The following OSBPL7 variants were observed in gnomAD, a reference collection of about 807,000 sequenced individuals.
OSBPL7 encodes oxysterol-binding protein-related protein 7.
In OSBPL7, 66 loss-of-function variants were observed where a neutral mutation model predicts 115.8. The ratio of observed to expected loss-of-function variants is 0.57; its 90% confidence interval spans 0.47 to 0.70. The LOEUF (loss-of-function observed/expected upper bound fraction) is 0.70, where lower values mean the gene tolerates loss of function less well. OSBPL7 is among the 30% of genes least tolerant of loss of function. The probability of loss-of-function intolerance (pLI) is 0.00; values close to 1 mark genes in which losing one functional copy is unlikely to be tolerated. For missense variants in OSBPL7, 902 were observed against 1,125.5 expected, an observed-to-expected ratio of 0.80 and a Z score of 2.84; for synonymous variants, 441 against 439.2, an observed-to-expected ratio of 1.00 and a Z score of -0.05.
rs1279433164 is a variant in OSBPL7 at position 47,819,760 on chromosome 17, C to T, written c.224G>A (p.Gly75Glu). 1 of 1,614,150 alleles carries T rather than the reference C, an allele frequency of 6.2e-7. No homozygotes were observed. Among genetic ancestry groups the T allele is most frequent in the South Asian group, 1.1e-5 (1 of 91,088 alleles). ...WHKRYFVLED[G>E]ILHYATTRQD... ...CCGGGTTGTTGCATAATGAAGGATC[C>T]CGTCCTCGAGCACAAAGTATCTCTG... is the stretch of plus-strand genomic sequence containing the variant. Residue 75 changes from glycine to glutamate, a missense_variant, in exon 4 of 23, where the codon GGG becomes GAG. Around this residue, in one of 3 missense-constraint regions of OSBPL7, gnomAD observed 667 missense variants for 788.7 expected, o/e 0.85. Coordinates refer to ENST00000007414, the MANE Select transcript of OSBPL7 (RefSeq NM_145798.3).
rs538312823 is a variant in OSBPL7 at position 47,816,954 on chromosome 17, G to A, written c.703-82C>T. 73 of 1,352,252 alleles carry A rather than the reference G, an allele frequency of 5.4e-5. No homozygotes were observed. The Middle Eastern group carries it at 2.0e-3, about 36-fold the overall frequency. The allele number at this position is 1,352,252 out of a possible 1,614,324, so 83.8% of individuals were successfully genotyped here. ...CCATCACAGCCTGGGAGAGGTAGAC[G>A]GCCTCCTGCGCCATGGAGGAGGGCG... On this transcript the variant is annotated intron_variant, in intron 8 of 22. Transcript: ENST00000007414. This position sits in a 1 kb window ranked among gnomAD's most constrained non-coding sequence, Gnocchi z 5.8.
intron 4 of OSBPL7, 94 bp from the exon 5 acceptor site, chr17:47,819,193 G>C (rs2033322472): frequency 9.8e-7 from 1 of 1,015,988 alleles, no homozygotes; most frequent in Admixed American, 2.0e-5. Context: ...CTAGGCTCAA[G>C]GGCCAGGTGG....
At chr17:47,817,020 C>T (rs1327463420) in intron 8 of OSBPL7, 148 bp from the exon 9 acceptor site, 23 of 808,492 alleles carry the variant, frequency 2.8e-5, no homozygotes, top group Admixed American at 8.6e-5. Flanking sequence ...TCAGGCAGGG[C>T]GACAGAGACA....
chr17:47,808,416 G>A lies in OSBPL7; in HGVS notation c.2421-17C>T, dbSNP rs372960018. The A allele has an allele frequency of 2.8e-4, 445 of 1,613,904 alleles. No homozygotes were observed. Among genetic ancestry groups the A allele is most frequent in the Non-Finnish European group, 3.6e-4 (423 of 1,179,894 alleles). On this transcript the variant is annotated splice_polypyrimidine_tract_variant and intron_variant, in intron 22 of 22. Coordinates refer to ENST00000007414, the MANE Select transcript of OSBPL7 (RefSeq NM_145798.3). This position sits in a 1 kb window ranked among gnomAD's most constrained non-coding sequence, Gnocchi z 6.1. ...GTCTGCCGCCTGGTGGGAGAAGGCG[G>A]TGGCAGTGAGGGGTGAACATCTAGA... is the stretch of plus-strand genomic sequence containing the variant.
Position 47,819,981 on chromosome 17 carries a change from C to A in OSBPL7, c.191G>T (p.Gly64Val). Residue 64 changes from glycine (G) to valine (V), a missense_variant, in exon 3 of 23, where the codon GGC becomes GTC. Around this residue, in one of 3 missense-constraint regions of OSBPL7, gnomAD observed 667 missense variants for 788.7 expected, o/e 0.85. Transcript: ENST00000007414. ...LLKKRKWPLK[G>V]WHKRYFVLED... ...GCCTGCCCACCCTACCTTGTGCCAG[C>A]CCTTCAGAGGCCACTTCCTCTTCTT... 6.2e-7 allele frequency: 1 copy of A among 1,609,474 alleles called. No homozygotes were observed. Among genetic ancestry groups the A allele is most frequent in the Non-Finnish European group, 8.5e-7 (1 of 1,179,554 alleles).
At chr17:47,819,211 A>C in intron 4 of OSBPL7, 112 bp from the exon 5 acceptor site, 1 of 801,338 alleles carries the variant, frequency 1.2e-6, no homozygotes, top group South Asian at 1.6e-5. Flanking sequence ...TGGCAGGTTC[A>C]CCCTCATGTC....
chr17:47,808,016 G>T lies in OSBPL7; in HGVS notation c.*275C>A. 2.0e-6 allele frequency: 1 copy of T among 491,962 alleles called. No individual in the cohort carries two copies. The highest frequency in any genetic ancestry group is 3.7e-6 in the Non-Finnish European group (1 of 269,784). 30.5% of individuals were successfully genotyped at this position (491,962 alleles called of 1,614,324 possible). A position where few individuals can be genotyped will look rare whatever the true frequency, so the allele number is the denominator to read the frequency against. Reference sequence around the variant, plus strand: ...TCCCCCAAGTACCCCAAAGGGGACAGGAATCGGAATGGTGAAGCGGGAAGG... The same window carrying T: ...TCCCCCAAGTACCCCAAAGGGGACATGAATCGGAATGGTGAAGCGGGAAGG... On this transcript the variant is annotated 3_prime_UTR_variant, in exon 23 of 23. Coordinates refer to ENST00000007414, the MANE Select transcript of OSBPL7 (RefSeq NM_145798.3). This position sits in a 1 kb window ranked among gnomAD's most constrained non-coding sequence, Gnocchi z 6.1.
At chr17:47,814,962 G>A (rs1045569841) in intron 13 of OSBPL7, 8 of 568,500 alleles carry the variant, frequency 1.4e-5, no homozygotes, top group African/African-American at 1.9e-5. Context: ...GAAGATGACC[G>A]GGGTTGCAAC....
In OSBPL7 at chr17:47,809,497, G is replaced by C. The variant is rs199959248; in HGVS notation, c.1881-19C>G. The C allele has an allele frequency of 1.0e-5, 16 of 1,603,846 alleles. No individual in the cohort carries two copies. Among genetic ancestry groups the C allele is most frequent in the Non-Finnish European group, 1.3e-5 (15 of 1,171,664 alleles). On this transcript the variant is annotated intron_variant, in intron 18 of 22. Coordinates refer to ENST00000007414, the MANE Select transcript of OSBPL7 (RefSeq NM_145798.3). ...CCCAAACCTGAGAAAGACAAGGTAT[G>C]GAAGGGCAGCTGGCTGGCCCCAGGG... is the stretch of plus-strand genomic sequence containing the variant.
In OSBPL7 at chr17:47,814,608, C is replaced by T; in HGVS notation, c.1264G>A (p.Glu422Lys). The T allele has an allele frequency of 6.2e-7, 1 of 1,613,968 alleles. No individual in the cohort carries two copies. Among genetic ancestry groups the T allele is most frequent in the Non-Finnish European group, 8.5e-7 (1 of 1,179,930 alleles). ...SASSSENEGS[E>K]EEESCTSEIT... ...TCACTGGTACAGGACTCCTCCTCCT[C>T]TGAGCCCTGGGCCAGGACAGATGAC... Residue 422 changes from glutamate to lysine, a missense_variant, in exon 14 of 23, where the codon GAG becomes AAG. By Grantham distance (56) the Glu-to-Lys change is moderately conservative. This residue lies in a region of OSBPL7 where 667 missense variants were observed against 788.7 expected (regional missense o/e 0.85). Coordinates refer to ENST00000007414, the MANE Select transcript of OSBPL7 (RefSeq NM_145798.3).
At chr17:47,813,471 G>A (rs2033109208) in intron 15 of OSBPL7, 68 bp from the exon 16 acceptor site, 1 of 1,603,642 alleles carries the variant, frequency 6.2e-7, no homozygotes. Flanking sequence ...CAAAGTATGG[G>A]ATCTTGGGGT....
In OSBPL7 at chr17:47,820,001, C is replaced by G; in HGVS notation, c.171G>C (p.Lys57Asn). ...PERQEGHLLK[K>N]RKWPLKGWHK... The stretch of plus-strand genomic sequence containing the variant: ...GCCAGCCCTTCAGAGGCCACTTCCT[C>G]TTCTTGAGCAGGTGACCTTCCTGCC... The change falls in exon 3 of 23, where the codon AAG (lysine) becomes AAC (asparagine). Residue 57 changes from lysine to asparagine, a missense_variant. This residue lies in a region of OSBPL7 where 667 missense variants were observed against 788.7 expected (regional missense o/e 0.85). Coordinates refer to ENST00000007414, the MANE Select transcript of OSBPL7 (RefSeq NM_145798.3). The G allele has an allele frequency of 1.2e-6, 2 of 1,604,898 alleles. No individual in the cohort carries two copies. Among genetic ancestry groups the G allele is most frequent in the Non-Finnish European group, 1.7e-6 (2 of 1,176,032 alleles).
In OSBPL7 at chr17:47,809,202, T is replaced by G; in HGVS notation, c.2044A>C (p.Asn682His). 6.2e-7 allele frequency: 1 copy of G among 1,614,058 alleles called. No individual in the cohort carries two copies. The change falls in exon 20 of 23, where the codon AAT (asparagine) becomes CAT (histidine). Residue 682 changes from asparagine (N) to histidine (H), a missense_variant. Physicochemically the swap from Asn to His is moderately conservative, Grantham distance 68. Transcript: ENST00000007414. ...TFCKAKYWSS[N>H]VHEVQGAVLS... The stretch of plus-strand genomic sequence containing the variant: ...ACAGCGCCCTGCACCTCGTGGACAT[T>G]GGAACTCCAGTACTTGGCCTGGGGT...
At chr17:47,811,321 AGCCT>A (rs1250396360) in intron 16 of OSBPL7, among the ~76,000 whole-genome samples, 2 of 151,804 alleles carry the variant, frequency 1.3e-5, no homozygotes, top group Non-Finnish European at 2.9e-5. Flanking sequence ...AACATCCCAC[AGCCT>A]GCCTGCCTTG....
chr17:47,812,336 C>A (rs1027028077), intron 16 of OSBPL7, among the ~76,000 whole-genome samples: 1 of 152,206 alleles, frequency 6.6e-6, no homozygotes, highest in Non-Finnish European at 1.5e-5. Context: ...TGCGAGCAGT[C>A]CTCCCGAGGG....
In OSBPL7 at chr17:47,820,012, G is replaced by C; in HGVS notation, c.160C>G (p.Leu54Val). The change falls in exon 3 of 23, where the codon CTG becomes GTG. Residue 54 changes from leucine (L) to valine (V), a missense_variant. Physicochemically the swap from Leu to Val is conservative, Grantham distance 32 (BLOSUM62 1). This residue lies in a region of OSBPL7 where 667 missense variants were observed against 788.7 expected (regional missense o/e 0.85). Transcript: ENST00000007414. ...AGAGGCCACTTCCTCTTCTTGAGCAGGTGACCTTCCTGCCTCTCAGGCATG... is the reference window on the plus strand; with the variant it reads ...AGAGGCCACTTCCTCTTCTTGAGCACGTGACCTTCCTGCCTCTCAGGCATG... ...GVMPERQEGH[L>V]LKKRKWPLKG... The C allele has an allele frequency of 6.2e-7, 1 of 1,601,646 alleles. No individual in the cohort carries two copies. The highest frequency in any genetic ancestry group is 8.5e-7 in the Non-Finnish European group (1 of 1,175,634).
Position 47,809,183 on chromosome 17 carries a change from C to G in OSBPL7, c.2063G>C (p.Gly688Ala). The stretch of plus-strand genomic sequence containing the variant: ...ACGGCCACTCCGACTGAGCACAGCG[C>G]CCTGCACCTCGTGGACATTGGAACT... ...YWSSNVHEVQGAVLSRSGRVL... is the reference protein window; with the variant it reads ...YWSSNVHEVQAAVLSRSGRVL... The change falls in exon 20 of 23, where the codon GGC becomes GCC. Residue 688 changes from glycine (G) to alanine (A), a missense_variant. Around this residue, in one of 3 missense-constraint regions of OSBPL7, gnomAD observed 230 missense variants for 312.7 expected, o/e 0.74. Transcript: ENST00000007414. 6.2e-7 allele frequency: 1 copy of G among 1,614,160 alleles called. No homozygotes were observed. Among genetic ancestry groups the G allele is most frequent in the Non-Finnish European group, 8.5e-7 (1 of 1,180,038 alleles).
chr17:47,813,159 C>T lies in OSBPL7; in HGVS notation c.1737+107G>A, dbSNP rs574222715. On this transcript the variant is annotated intron_variant, in intron 16 of 22. Coordinates refer to ENST00000007414, the MANE Select transcript of OSBPL7 (RefSeq NM_145798.3). ...AGCCCGGCACAGAGCCAACTGCCCACGCTCCTCTCCCAGGCCCTGGTCCCT... is the reference window on the plus strand; with the variant it reads ...AGCCCGGCACAGAGCCAACTGCCCATGCTCCTCTCCCAGGCCCTGGTCCCT... 9.2e-5 allele frequency: 134 copies of T among 1,461,904 alleles called. No individual in the cohort carries two copies. The East Asian group carries it at 9.5e-4, about 10-fold the overall frequency. 90.6% of individuals were successfully genotyped at this position (1,461,904 alleles called of 1,614,324 possible). A position where few individuals can be genotyped will look rare whatever the true frequency, so the allele number is the denominator to read the frequency against.
rs752487791 is a variant in OSBPL7, at chr17:47,818,548, CAGGCGGTGGGCT to C, written c.426_437del (p.Ala143_Leu146del). 8 of 1,610,958 alleles carry C rather than the reference CAGGCGGTGGGCT, an allele frequency of 5.0e-6. No homozygotes were observed. The Admixed American group carries it at 5.0e-5, about 10-fold the overall frequency. ...TGGGCAGTGAGCCACGGGGCATGTC[CAGGCGGTGGGCT>C]AGGCGGTGGGCACGCAGCTGCGCCA... On this transcript the variant is annotated inframe_deletion, in exon 6 of 23. Coordinates refer to ENST00000007414, the MANE Select transcript of OSBPL7 (RefSeq NM_145798.3).
Sources: allele counts gnomAD v4.1 joint callset (sites outside exome capture counted in the v4.1 genomes callset), GRCh38; gene constraint gnomAD v4.1.1; regional missense constraint gnomAD v4.1.1; non-coding constraint Gnocchi (gnomAD v3.1); transcripts MANE v1.5; gene names NCBI Gene and HGNC (gene_info 2026-07-23, HGNC 2026-07-21).